SAMD12: variants seen among roughly 807,000 people sequenced by gnomAD.
SAMD12 encodes the protein sterile alpha motif domain-containing protein 12.
A neutral mutation model predicts 15.0 loss-of-function variants in SAMD12; 9 were observed. The ratio of observed to expected loss-of-function variants is 0.60; its 90% confidence interval spans 0.36 to 1.05. The LOEUF (loss-of-function observed/expected upper bound fraction) is 1.05, where lower values mean the gene tolerates loss of function less well. Ranked by LOEUF, SAMD12 falls within the 50% of genes least tolerant of loss-of-function variation. The pLI, the probability that SAMD12 is intolerant of heterozygous loss-of-function variation, is 0.01. For synonymous variants in SAMD12, 86 were observed against 90.1 expected (o/e 0.96, Z 0.25); for missense variants, 230 against 234.2 (o/e 0.98, Z 0.12).
At position 118,378,352 on chromosome 8, in the gene SAMD12, G is replaced by C. The variant is rs1028158262; in HGVS notation, c.*1065C>G. Reference sequence around the variant, plus strand: ...TATTTCTATCTACTTCTTAAAAGAAGCTTAAAAGCCTATCAGTATTTCACA... The same window carrying C: ...TATTTCTATCTACTTCTTAAAAGAACCTTAAAAGCCTATCAGTATTTCACA... On this transcript the variant is annotated 3_prime_UTR_variant, in exon 4 of 4. Coordinates refer to ENST00000314727, the MANE Select transcript of SAMD12 (RefSeq NM_207506.3). The C allele has an allele frequency of 3.3e-6, 3 of 919,690 alleles. No homozygotes were observed. Among genetic ancestry groups the C allele is most frequent in the Non-Finnish European group, 3.9e-6 (3 of 770,386 alleles). The allele number at this position is 919,690 out of a possible 1,614,324, so 57.0% of individuals were successfully genotyped here. A position where few individuals can be genotyped will look rare whatever the true frequency, so the allele number is the denominator to read the frequency against.
At chr8:118,466,885 G>T (rs10110194) in intron 2 of SAMD12, among the ~76,000 whole-genome samples, 9 of 151,984 alleles carry the variant, frequency 5.9e-5, no homozygotes, top group Non-Finnish European at 1.2e-4. Context: ...AAATCTTAAA[G>T]GAAATTAACC....
At chr8:118,137,885 T>C in the SAMD12 span, among the ~76,000 whole-genome samples, 1 of 152,166 alleles carries the variant, frequency 6.6e-6, no homozygotes, top group Non-Finnish European at 1.5e-5. Flanking sequence ...CTTGCCAGCA[T>C]GGTGCCATCA....
chr8:118,400,823 A>G (rs1820832757), intron 3 of SAMD12, among the ~76,000 whole-genome samples: 1 of 152,220 alleles, frequency 6.6e-6, no homozygotes, highest in Non-Finnish European at 1.5e-5. Flanking sequence ...GGCCGATTCC[A>G]ATGAATACTG....
At chr8:118,236,056 CT>C (rs1484210208) in intron 4 of SAMD12, among the ~76,000 whole-genome samples, 4 of 152,182 alleles carry the variant, frequency 2.6e-5, no homozygotes, top group Non-Finnish European at 5.9e-5. Flanking sequence ...ATTAAATAAG[CT>C]GACATACATT....
chr8:118,391,023 C>A (rs1020084931), intron 3 of SAMD12, among the ~76,000 whole-genome samples: 1 of 152,020 alleles, frequency 6.6e-6, no homozygotes. Context: ...TGTGACCCTG[C>A]ATTGTTTTTA....
At chr8:118,380,615 C>T (rs1430494996) in intron 3 of SAMD12, among the ~76,000 whole-genome samples, 1 of 152,176 alleles carries the variant, frequency 6.6e-6, no homozygotes, top group African/African-American at 2.4e-5. Flanking sequence ...CCCATAGCAC[C>T]ACCCACTACT....
rs1044633772 is a variant in SAMD12 at position 118,408,239 on chromosome 8, A to T, written c.323-28539T>A. ...AGACCAGATAAATGTCAAAGACTAC[A>T]CCATCTGCTTTCTCAATCTACACAC... On this transcript the variant is annotated intron_variant, in intron 3 of 3. Transcript: ENST00000314727. Among the ~76,000 whole-genome samples the T allele has an allele frequency of 3.5e-5, 5 of 141,482 alleles. No homozygotes were observed. The East Asian group carries it at 1.1e-3, about 30-fold the overall frequency. 92.8% of individuals were successfully genotyped at this position (141,482 alleles called of 152,430 possible).
rs1408316082 is a variant in SAMD12 at position 118,318,352 on chromosome 8, A to G, written c.433+61208T>C. On this transcript the variant is annotated intron_variant, in intron 4 of 4. Transcript: ENST00000409003. ...TATATATATATATATATATATATAT[A>G]TATACATATATACCATGGAACACTA... 1.8e-5 allele frequency among the ~76,000 whole-genome samples: 2 copies of G among 113,648 alleles called. 1 individual carries two copies. Among genetic ancestry groups the G allele is most frequent in the African/African-American group, 5.8e-5 (2 of 34,378 alleles). The allele number at this position is 113,648 out of a possible 152,430, so 74.6% of individuals were successfully genotyped here.
the SAMD12 span, among the ~76,000 whole-genome samples, chr8:118,164,801 GTCTC>G: frequency 6.6e-6 from 1 of 150,874 alleles, no homozygotes; most frequent in African/African-American, 2.4e-5. Context: ...TAGAACCGTT[GTCTC>G]TCTCTGTATA....
At chr8:118,185,369 C>T (rs1010580007), downstream of SAMD12, among the ~76,000 whole-genome samples, 1 of 151,978 alleles carries the variant, frequency 6.6e-6, no homozygotes, top group Admixed American at 6.6e-5. Context: ...AATATGTAGT[C>T]TTTTATCCTT....
At chr8:118,415,984 G>A (rs1300889572) in intron 3 of SAMD12, among the ~76,000 whole-genome samples, 1 of 152,072 alleles carries the variant, frequency 6.6e-6, no homozygotes, top group Non-Finnish European at 1.5e-5. Context: ...TATCTAGCGT[G>A]GCTTTCCCCC....
chr8:118,425,088 G>A (rs1448545315), intron 3 of SAMD12, among the ~76,000 whole-genome samples: 16 of 151,970 alleles, frequency 1.1e-4, no homozygotes, highest in Admixed American at 3.3e-4. Context: ...ACAGGCGCCC[G>A]CCACCACGCC....
chr8:118,454,559 G>A (rs1291258195), intron 2 of SAMD12, among the ~76,000 whole-genome samples: 1 of 152,140 alleles, frequency 6.6e-6, no homozygotes, highest in Admixed American at 6.6e-5. Flanking sequence ...TTTCTAGAAT[G>A]TCTATTACTA....
chr8:118,560,762 A>G (rs1826678618), intron 2 of SAMD12, among the ~76,000 whole-genome samples: 1 of 152,180 alleles, frequency 6.6e-6, no homozygotes, highest in South Asian at 2.1e-4. Context: ...TGCGCATGTG[A>G]GAGGTCACAT....
chr8:118,573,077 A>G (rs1779407546), intron 2 of SAMD12, among the ~76,000 whole-genome samples: 1 of 152,068 alleles, frequency 6.6e-6, no homozygotes, highest in African/African-American at 2.4e-5. Context: ...ATGTCAGTCA[A>G]TTAAGCCTCT....
intron 2 of SAMD12, among the ~76,000 whole-genome samples, chr8:118,516,914 C>A (rs1825260356): frequency 6.6e-6 from 1 of 152,202 alleles, no homozygotes; most frequent in African/African-American, 2.4e-5. Context: ...GCTGGGATTA[C>A]AGGCGTGAGC....
downstream of SAMD12, among the ~76,000 whole-genome samples, chr8:118,185,789 G>C (rs1206691749): frequency 6.6e-6 from 1 of 152,178 alleles, no homozygotes; most frequent in Non-Finnish European, 1.5e-5. Context: ...AGGCTAACGG[G>C]GTTGAACATG....
At chr8:118,507,568 A>C (rs976678580) in intron 2 of SAMD12, among the ~76,000 whole-genome samples, 1 of 152,174 alleles carries the variant, frequency 6.6e-6, no homozygotes, top group Non-Finnish European at 1.5e-5. Context: ...ATTGGGATTC[A>C]AATGCTGAAC....
chr8:118,302,650 A>G (rs1395544659), intron 4 of SAMD12, among the ~76,000 whole-genome samples: 1 of 152,214 alleles, frequency 6.6e-6, no homozygotes, highest in Non-Finnish European at 1.5e-5. Context: ...TCCATGCTCA[A>G]AAGGGAACTC....
Sources: allele counts gnomAD v4.1 joint callset (sites outside exome capture counted in the v4.1 genomes callset), GRCh38; gene constraint gnomAD v4.1.1; transcripts MANE v1.5; gene names NCBI Gene and HGNC (gene_info 2026-07-23, HGNC 2026-07-21).